The following DSCAML1 variants were observed in gnomAD, a reference collection of about 807,000 sequenced individuals.
The protein encoded by DSCAML1 is cell adhesion molecule DSCAML1.
DSCAML1 carries 38 observed loss-of-function variants against 200.5 expected under a neutral mutation model. That is an observed-to-expected ratio of 0.19 (90% CI 0.15 to 0.25). The LOEUF (loss-of-function observed/expected upper bound fraction) is 0.25, where lower values mean the gene tolerates loss of function less well. Ranked by LOEUF, DSCAML1 falls within the 10% of genes least tolerant of loss-of-function variation. DSCAML1 has a pLI of 1.00. For missense variants in DSCAML1, 2,223 were observed against 2,858.8 expected (o/e 0.78, Z 5.07); for synonymous variants, 1,215 against 1,165.0 (o/e 1.04, Z -0.87).
intron 3 of DSCAML1, among the ~76,000 whole-genome samples, chr11:117,656,238 G>C (rs1448724824): frequency 6.6e-6 from 1 of 152,202 alleles, no homozygotes; most frequent in Non-Finnish European, 1.5e-5. Flanking sequence ...ACTCCGTCTT[G>C]GGTGGGGGCA....
chr11:117,792,693 C>T (rs2055493983), intron 1 of DSCAML1, among the ~76,000 whole-genome samples: 1 of 152,278 alleles, frequency 6.6e-6, no homozygotes, highest in East Asian at 1.9e-4. Flanking sequence ...CCCTAGGCAC[C>T]CAGCTCCCTG....
chr11:117,760,085 AT>A (rs1301510655), intron 3 of DSCAML1, among the ~76,000 whole-genome samples: 1 of 152,032 alleles, frequency 6.6e-6, no homozygotes. Context: ...CCGCACTCCC[AT>A]TCCCCCAGCC....
intron 3 of DSCAML1, among the ~76,000 whole-genome samples, chr11:117,755,354 C>T (rs564718015): frequency 6.6e-6 from 1 of 152,288 alleles, no homozygotes; most frequent in African/African-American, 2.4e-5. Flanking sequence ...ATGTTAGAAG[C>T]TAATCCAGGC....
intron 3 of DSCAML1, among the ~76,000 whole-genome samples, chr11:117,584,476 T>C (rs1314101939): frequency 6.6e-6 from 1 of 152,198 alleles, no homozygotes; most frequent in Non-Finnish European, 1.5e-5. Context: ...GGCACCAGGT[T>C]TGCCCAAATC....
At chr11:117,769,067 T>A (rs552484204) in intron 3 of DSCAML1, among the ~76,000 whole-genome samples, 7,170 of 19,012 alleles carry the variant, frequency 0.38, 703 homozygotes, top group East Asian at 0.5. Flanking sequence ...CTCAAAAAAA[T>A]ATATATATAA....
At chr11:117,623,366 G>A (rs550699306) in intron 3 of DSCAML1, among the ~76,000 whole-genome samples, 16 of 152,026 alleles carry the variant, frequency 1.1e-4, no homozygotes, top group South Asian at 8.3e-4. Flanking sequence ...ACAGGAGTGC[G>A]CCATGACACC....
intron 3 of DSCAML1, among the ~76,000 whole-genome samples, chr11:117,722,124 G>A (rs558767783): frequency 2.0e-5 from 3 of 152,052 alleles, no homozygotes; most frequent in African/African-American, 4.8e-5. Flanking sequence ...TTTGTAATTC[G>A]TGACATCCTT....
At chr11:117,721,713 AATATATCATATATCATATATAAAT>A in intron 3 of DSCAML1, among the ~76,000 whole-genome samples, 1 of 147,498 alleles carries the variant, frequency 6.8e-6, no homozygotes, top group South Asian at 2.1e-4. Context: ...GTTTATATAA[AATATATCATATATCATATATAAAT>A]ATATATCATA....
chr11:117,493,903 C>T lies in DSCAML1; in HGVS notation c.2359+9942G>A, dbSNP rs553983016. Among the ~76,000 whole-genome samples the T allele has an allele frequency of 3.3e-5, 5 of 152,324 alleles. 1 individual carries two copies. In the South Asian group the frequency reaches 1.0e-3, roughly 32 times the overall value. Reference sequence around the variant, plus strand: ...TCTCCCTCCCAGAATGGTGGGATTACAGGTGTGAGCCACTGTGCCTGGCCT... The same window carrying T: ...TCTCCCTCCCAGAATGGTGGGATTATAGGTGTGAGCCACTGTGCCTGGCCT... On this transcript the variant is annotated intron_variant, in intron 11 of 32. Transcript: ENST00000651296.
chr11:117,713,573 C>G (rs2053892112), intron 3 of DSCAML1, among the ~76,000 whole-genome samples: 1 of 152,232 alleles, frequency 6.6e-6, no homozygotes, highest in South Asian at 2.1e-4. Context: ...CACCGTCCCC[C>G]TCCCAGAGCC....
intron 1 of DSCAML1, among the ~76,000 whole-genome samples, chr11:117,804,874 T>G (rs996760692): frequency 5.3e-5 from 8 of 152,142 alleles, no homozygotes; most frequent in African/African-American, 1.9e-4. Context: ...AGGATGTTAG[T>G]GAGCTGTGAT....
rs1036207897 is a variant in DSCAML1 at position 117,532,491 on chromosome 11, C to T, written c.543G>A (p.Gly181=). 7 of 1,613,880 alleles carry T rather than the reference C, an allele frequency of 4.3e-6. No individual in the cohort carries two copies. In the Admixed American group the frequency reaches 5.0e-5, roughly 12 times the overall value. The change falls in exon 4 of 33, where the codon GGG becomes GGA. Residue 181 remains glycine, a synonymous_variant. Coordinates refer to ENST00000651296, the MANE Select transcript of DSCAML1 (RefSeq NM_020693.4). ...EHRFFITYHG[G]LYISDVQKED... ...CCTTCTGTACGTCAGAGATGTACAG[C>T]CCGCCGTGGTAGGTAATAAAAAACC...
Position 117,646,232 on chromosome 11 carries a change from G to A in DSCAML1, c.512-113710C>T, listed in dbSNP as rs148683269. Among the ~76,000 whole-genome samples the A allele has an allele frequency of 5.2e-3, 792 of 152,006 alleles. 10 individuals are homozygous for A. The highest frequency in any genetic ancestry group is 0.018 in the African/African-American group (760 of 41,446). On this transcript the variant is annotated intron_variant, in intron 3 of 32. Coordinates refer to ENST00000651296, the MANE Select transcript of DSCAML1 (RefSeq NM_020693.4). ...TATTGCAAAAATATAGTCTGCAGCC[G>A]TGGCCTGGCCAGATGGGAAGGGAGG...
At chr11:117,652,273 T>A (rs2052648225) in intron 3 of DSCAML1, among the ~76,000 whole-genome samples, 1 of 152,244 alleles carries the variant, frequency 6.6e-6, no homozygotes, top group South Asian at 2.1e-4. Context: ...CCCCAGCTCT[T>A]AGTCTCCATG....
At chr11:117,443,839 A>G (rs1445526692) in intron 21 of DSCAML1, 47 bp downstream of exon 21, 1 of 1,533,062 alleles carries the variant, frequency 6.5e-7, no homozygotes, top group Admixed American at 1.9e-5. Flanking sequence ...TCTGTAAGGG[A>G]GCTTTTGGAA....
chr11:117,559,443 A>G (rs944147280), intron 3 of DSCAML1, among the ~76,000 whole-genome samples: 11 of 152,222 alleles, frequency 7.2e-5, no homozygotes, highest in Non-Finnish European at 1.2e-4. Context: ...CTGCACTTCA[A>G]TATATCTCAC....
At position 117,464,985 on chromosome 11, in the gene DSCAML1, C is replaced by A. The variant is rs779211252; in HGVS notation, c.3222G>T (p.Thr1074=). 4 of 1,613,934 alleles carry A rather than the reference C, an allele frequency of 2.5e-6. No individual in the cohort carries two copies. Among genetic ancestry groups the A allele is most frequent in the South Asian group, 2.2e-5 (2 of 91,074 alleles). ...CATTGATCTCGCTGGAAGAGGGCCC[C>A]GTGCCAGCCCGATTGAAGGCTTGGA... ...VVVQAFNRAG[T]GPSSSEINAT... Residue 1074 remains threonine, a synonymous_variant, in exon 17 of 33, where the codon ACG becomes ACT. Transcript: ENST00000651296.
intron 3 of DSCAML1, among the ~76,000 whole-genome samples, chr11:117,647,404 G>A (rs1474540243): frequency 1.3e-5 from 2 of 152,244 alleles, no homozygotes; most frequent in African/African-American, 4.8e-5. Context: ...AGAGGGCTGG[G>A]CCACAGGGAC....
At chr11:117,495,784 C>T in intron 11 of DSCAML1, among the ~76,000 whole-genome samples, 1 of 152,196 alleles carries the variant, frequency 6.6e-6, no homozygotes, top group East Asian at 1.9e-4. Context: ...CCTAGATTCT[C>T]CCAGCTCCTC....
Sources: gnomAD v4.1 joint callset for allele counts (sites outside exome capture counted in the v4.1 genomes callset) on GRCh38, gnomAD v4.1.1 for gene constraint, MANE v1.5 for transcripts, NCBI Gene and HGNC (gene_info 2026-07-23, HGNC 2026-07-21) for gene names.